VNN2: variants seen among roughly 807,000 people sequenced by gnomAD.
The protein encoded by VNN2 is vanin 2.
In VNN2, 43 loss-of-function variants were observed where a neutral mutation model predicts 43.0. That is an observed-to-expected ratio of 1.00 (90% confidence interval 0.78 to 1.29). VNN2 has a LOEUF of 1.29. VNN2 is among the 50% of genes most tolerant of loss of function. The pLI, the probability that VNN2 is intolerant of heterozygous loss-of-function variation, is 0.00. For synonymous variants in VNN2, 230 were observed against 224.3 expected (o/e 1.03, Z -0.23); for missense variants, 652 against 619.7 (o/e 1.05, Z -0.55).
upstream of VNN2, chr6:132,760,799 C>T (rs1199004253): frequency 6.6e-6 from 1 of 152,076 alleles, no homozygotes; most frequent in South Asian, 2.1e-4. Flanking sequence ...TTTCTCTGTC[C>T]TTGGCTGTAA....
In VNN2 at chr6:132,749,713, C is replaced by A. The variant is rs1395759485; in HGVS notation, c.1353G>T (p.Leu451=). ...FPEVLLTEIH[L]SPGKFEVLKD... is the part of the protein sequence containing the mutation. Reference sequence around the variant, plus strand: ...CTCTTACCTCAAATTTTCCAGGTGACAGATGAATTTCGGTAAGTAGCACTT... The same window carrying A: ...CTCTTACCTCAAATTTTCCAGGTGAAAGATGAATTTCGGTAAGTAGCACTT... The change falls in exon 6 of 7, where the codon CTG becomes CTT. Residue 451 remains leucine (L), a synonymous_variant. Coordinates refer to ENST00000326499, the MANE Select transcript of VNN2 (RefSeq NM_004665.6). 2 of 1,612,002 alleles carry A rather than the reference C, an allele frequency of 1.2e-6. No homozygotes were observed. Among genetic ancestry groups the A allele is most frequent in the South Asian group, 2.2e-5 (2 of 90,682 alleles).
chr6:132,751,911 G>A (rs1780130995), intron 4 of VNN2, among the ~76,000 whole-genome samples: 1 of 152,126 alleles, frequency 6.6e-6, no homozygotes, highest in African/African-American at 2.4e-5. Flanking sequence ...CTGGTGGGAG[G>A]ATCTAATTCC....
At chr6:132,755,223 T>C (rs569877087) in intron 3 of VNN2, among the ~76,000 whole-genome samples, 3 of 151,156 alleles carry the variant, frequency 2.0e-5, no homozygotes, top group Admixed American at 2.0e-4. Context: ...CCTTAGTATC[T>C]TTTTTTATGT....
At chr6:132,744,619 A>T (rs1345123572) in intron 6 of VNN2, 128 bp from the exon 7 acceptor site, 23 of 929,810 alleles carry the variant, frequency 2.5e-5, no homozygotes, top group Non-Finnish European at 3.4e-5. Flanking sequence ...GGATGCAGCA[A>T]GTAGGCCAGG....
rs773322115 is a variant in VNN2, at chr6:132,751,280, T to G, written c.1065A>C (p.Ala355=). The G allele has an allele frequency of 6.2e-7, 1 of 1,614,196 alleles. No individual in the cohort carries two copies. The highest frequency in any genetic ancestry group is 1.3e-5 in the African/African-American group (1 of 75,062). The change falls in exon 5 of 7, where the codon GCA becomes GCC. Residue 355 remains alanine (A), a synonymous_variant. Transcript: ENST00000326499. Reference sequence around the variant, plus strand: ...CCTTTTGACAGACTGTAAGGTTTCCTGCATTTTCAAAAAGTTCTGTGAAGT... The same window carrying G: ...CCTTTTGACAGACTGTAAGGTTTCCGGCATTTTCAAAAAGTTCTGTGAAGT... ...GFNFTELFEN[A]GNLTVCQKEL... is the part of the protein sequence containing the mutation.
chr6:132,757,611 G>C, intron 1 of VNN2, 60 bp downstream of exon 1: 1 of 1,607,084 alleles, frequency 6.2e-7, no homozygotes, highest in African/African-American at 1.3e-5. Flanking sequence ...CAGCTCTCTC[G>C]TCTTCCACCA....
At chr6:132,755,704 T>TCAAAAAA (rs1159651088) in intron 3 of VNN2, 139 bp downstream of exon 3, 1 of 998,610 alleles carries the variant, frequency 1.0e-6, no homozygotes, top group African/African-American at 1.7e-5. Context: ...TTGCCCACTT[T>TCAAAAAA]CAAAAAACAA....
In VNN2 at chr6:132,744,469, A is replaced by G. The variant is rs748175303; in HGVS notation, c.1394T>C (p.Val465Ala). Residue 465 changes from valine (V) to alanine (A), a missense_variant, in exon 7 of 7, where the codon GTA becomes GCA. Coordinates refer to ENST00000326499, the MANE Select transcript of VNN2 (RefSeq NM_004665.6). ...AGGCCCAGATGATCCATTCTTGTTTACCAAACGCCCATCTTTCAGCACCTA... is the reference window on the plus strand; with the variant it reads ...AGGCCCAGATGATCCATTCTTGTTTGCCAAACGCCCATCTTTCAGCACCTA... ...KFEVLKDGRL[V>A]NKNGSSGPIL... The G allele has an allele frequency of 1.9e-6, 3 of 1,585,428 alleles. No individual in the cohort carries two copies. The highest frequency in any genetic ancestry group is 2.6e-6 in the Non-Finnish European group (3 of 1,170,030).
chr6:132,758,659 G>A (rs1373343150), upstream of VNN2, among the ~76,000 whole-genome samples: 1 of 151,922 alleles, frequency 6.6e-6, no homozygotes, highest in African/African-American at 2.4e-5. Flanking sequence ...TTTAGACGGG[G>A]GGGAAAATAT....
At chr6:132,745,602 G>T (rs977481579) in intron 6 of VNN2, among the ~76,000 whole-genome samples, 2 of 152,148 alleles carry the variant, frequency 1.3e-5, no homozygotes, top group Non-Finnish European at 2.9e-5. Context: ...AGGGCTTTTT[G>T]TTTTCTACCT....
intron 5 of VNN2, 55 bp downstream of exon 5, chr6:132,751,090 G>T (rs12386543): frequency 1.3e-6 from 2 of 1,524,126 alleles, no homozygotes; most frequent in Non-Finnish European, 8.8e-7. Flanking sequence ...AATATAAAAA[G>T]TTAACCTGGA....
rs762811506 is a variant in VNN2 at position 132,751,550 on chromosome 6, A to C, written c.827-32T>G. On this transcript the variant is annotated intron_variant, in intron 4 of 6. Transcript: ENST00000326499. ...ATGAAAGACAAGTCTTCTAAAAACA[A>C]CACCACACACAAAAAAACCAAAACT... 3.2e-6 allele frequency: 5 copies of C among 1,564,216 alleles called. No individual in the cohort carries two copies. The East Asian group carries it at 6.7e-5, about 21-fold the overall frequency.
chr6:132,744,221 GT>G lies in VNN2; in HGVS notation c.*78del. On this transcript the variant is annotated 3_prime_UTR_variant, in exon 7 of 7. Transcript: ENST00000326499. ...TATACTACTGAAATAGCCCTTCAAA[GT>G]TTCTTAGTAAACTTGGGAAGCCGAT... The G allele has an allele frequency of 7.2e-7, 1 of 1,385,952 alleles. No homozygotes were observed. Among genetic ancestry groups the G allele is most frequent in the East Asian group, 2.4e-5 (1 of 41,684 alleles). 85.9% of individuals were successfully genotyped at this position (1,385,952 alleles called of 1,614,324 possible).
At chr6:132,748,086 A>G (rs1657124439) in intron 6 of VNN2, among the ~76,000 whole-genome samples, 1 of 152,240 alleles carries the variant, frequency 6.6e-6, no homozygotes, top group Non-Finnish European at 1.5e-5. Context: ...TTAAATCTTC[A>G]GGCTTACAGA....
chr6:132,755,667 G>A (rs990601965), intron 3 of VNN2, among the ~76,000 whole-genome samples, 176 bp downstream of exon 3: 2 of 151,590 alleles, frequency 1.3e-5, no homozygotes, highest in African/African-American at 2.4e-5. Context: ...AAGCCTCCAC[G>A]CCCAGCCAAA....
chr6:132,751,346 C>T lies in VNN2; in HGVS notation c.999G>A (p.Gln333=). The change falls in exon 5 of 7, where the codon CAG becomes CAA. Residue 333 remains glutamine, a synonymous_variant. Coordinates refer to ENST00000326499, the MANE Select transcript of VNN2 (RefSeq NM_004665.6). ...AAATAAATCCCCTGAAAGTGTTTTT[C>T]TGTACTGGAAATGGTTTGATGGTGG... ...YATTIKPFPV[Q]KNTFRGFISR... is the part of the protein sequence containing the mutation. The T allele has an allele frequency of 6.2e-7, 1 of 1,614,134 alleles. No individual in the cohort carries two copies. The highest frequency in any genetic ancestry group is 8.5e-7 in the Non-Finnish European group (1 of 1,180,012).
intron 5 of VNN2, among the ~76,000 whole-genome samples, chr6:132,750,388 C>T (rs1582820975): frequency 6.6e-6 from 1 of 151,414 alleles, no homozygotes; most frequent in Admixed American, 6.6e-5. Context: ...ACATGTTATC[C>T]CAGCAATTTG....
intron 4 of VNN2, among the ~76,000 whole-genome samples, chr6:132,751,748 A>T (rs1033368224): frequency 6.6e-6 from 1 of 152,226 alleles, no homozygotes; most frequent in African/African-American, 2.4e-5. Context: ...ATATAATAGC[A>T]TTATTTATTA....
At chr6:132,747,433 A>G (rs1779785008) in intron 6 of VNN2, among the ~76,000 whole-genome samples, 2 of 152,064 alleles carry the variant, frequency 1.3e-5, no homozygotes, top group African/African-American at 4.8e-5. Context: ...CCTGGCCAAT[A>G]TGGTGAAACC....
Sources: gnomAD v4.1 joint callset for allele counts (sites outside exome capture counted in the v4.1 genomes callset) on GRCh38, gnomAD v4.1.1 for gene constraint, MANE v1.5 for transcripts, NCBI Gene and HGNC (gene_info 2026-07-23, HGNC 2026-07-21) for gene names.